The following RBM19 variants were observed in gnomAD, a reference collection of about 807,000 sequenced individuals.
RBM19 encodes RNA binding motif protein 19.
RBM19 carries 94 observed loss-of-function variants against 116.8 expected under a neutral mutation model. The ratio of observed to expected loss-of-function variants is 0.80; its 90% CI spans 0.68 to 0.95. The LOEUF is 0.95. RBM19 is among the 40% of genes least tolerant of loss of function. The pLI, the probability that RBM19 is intolerant of heterozygous loss-of-function variation, is 0.00. For synonymous variants in RBM19, 475 were observed against 494.1 expected, an observed-to-expected ratio of 0.96 and a Z score of 0.51; for missense variants, 1,161 against 1,220.7, an observed-to-expected ratio of 0.95 and a Z score of 0.73.
rs1244196665 is a variant in RBM19 at position 113,959,874 on chromosome 12, T to C, written c.369A>G (p.Gln123=). ...KDEKKKKVAG[Q]LEKLKEDTEF... The stretch of plus-strand genomic sequence containing the variant: ...AACAGGACAGACTCACCTTCTCCAG[T>C]TGACCTGCCACCTTTTTCTTCTTCT... Residue 123 remains glutamine, a synonymous_variant, in exon 4 of 24, where the codon CAA becomes CAG. Coordinates refer to ENST00000261741, the MANE Select transcript of RBM19 (RefSeq NM_016196.4). The C allele has an allele frequency of 4.3e-6, 7 of 1,614,170 alleles. No individual in the cohort carries two copies. Among genetic ancestry groups the C allele is most frequent in the Non-Finnish European group, 5.9e-6 (7 of 1,180,018 alleles).
intron 23 of RBM19, among the ~76,000 whole-genome samples, chr12:113,834,633 A>G (rs1008253475): frequency 6.6e-6 from 1 of 152,222 alleles, no homozygotes; most frequent in Admixed American, 6.5e-5. Context: ...TTTATTTATA[A>G]AAACAGATTG....
intron 8 of RBM19, 57 bp from the exon 9 acceptor site, chr12:113,950,211 G>C: frequency 7.3e-7 from 1 of 1,376,470 alleles, no homozygotes; most frequent in Non-Finnish European, 1.0e-6. Context: ...ACTTGTGGTG[G>C]TCCCCAGAGG....
chr12:113,827,330 GC>G (rs1462555262), intron 23 of RBM19, among the ~76,000 whole-genome samples: 2 of 149,776 alleles, frequency 1.3e-5, no homozygotes, highest in African/African-American at 2.5e-5. Context: ...CCCCAGTCCT[GC>G]CCCCCTCCCC....
chr12:113,888,168 G>A (rs1880674747), intron 21 of RBM19, among the ~76,000 whole-genome samples: 1 of 152,168 alleles, frequency 6.6e-6, no homozygotes, highest in South Asian at 2.1e-4. Context: ...GCTCTATTAA[G>A]AATCTGAGTC....
intron 23 of RBM19, 41 bp downstream of exon 23, chr12:113,844,627 G>A: frequency 1.3e-6 from 2 of 1,578,558 alleles, no homozygotes; most frequent in Non-Finnish European, 8.6e-7. Context: ...GTGTTCCCCA[G>A]GGGGCCCATG....
At chr12:113,846,233 CAAG>C (rs1214883531) in intron 22 of RBM19, among the ~76,000 whole-genome samples, 1 of 152,092 alleles carries the variant, frequency 6.6e-6, no homozygotes, top group Non-Finnish European at 1.5e-5. Flanking sequence ...CCAGTGGGTA[CAAG>C]AAGAGGAGGG....
chr12:113,948,936 C>A lies in RBM19; in HGVS notation c.1173G>T (p.Glu391Asp), dbSNP rs746941474. ...CGGCCAGGTCCTCCTCCTCTTCGTT[C>A]TCCCCGAGTATCCGGCCTTGCCAGG... ...TKSWQGRILG[E>D]NEEEEDLAES... is the part of the protein sequence containing the mutation. Residue 391 changes from glutamate (E) to aspartate (D), a missense_variant, in exon 10 of 24, where the codon GAG becomes GAT. Physicochemically the swap from Glu to Asp is conservative, Grantham distance 45. Transcript: ENST00000261741. The A allele has an allele frequency of 2.8e-5, 45 of 1,614,250 alleles. 1 individual carries two copies. In the South Asian group the frequency reaches 4.7e-4, roughly 17 times the overall value.
At chr12:113,912,945 A>G (rs1237433913) in intron 21 of RBM19, among the ~76,000 whole-genome samples, 1 of 152,192 alleles carries the variant, frequency 6.6e-6, no homozygotes, top group Non-Finnish European at 1.5e-5. Context: ...GAACAACAAT[A>G]GCAGGTACGG....
chr12:113,867,453 G>A (rs1433287958), intron 21 of RBM19, among the ~76,000 whole-genome samples: 1 of 152,178 alleles, frequency 6.6e-6, no homozygotes, highest in Non-Finnish European at 1.5e-5. Context: ...CCGGCCTCCA[G>A]GGGGCGTGGA....
chr12:113,920,820 A>G, intron 18 of RBM19, 130 bp from the exon 19 acceptor site: 2 of 798,674 alleles, frequency 2.5e-6, no homozygotes, highest in Non-Finnish European at 2.1e-6. Flanking sequence ...ATTCCCCCCA[A>G]AAATCTCAGC....
chr12:113,908,316 G>GGA (rs1882201400), intron 21 of RBM19, among the ~76,000 whole-genome samples: 1 of 152,058 alleles, frequency 6.6e-6, no homozygotes. Flanking sequence ...CCTGTGTGGG[G>GGA]GAGACAAGGG....
chr12:113,837,246 T>TACAGACAC (rs1555229675), intron 23 of RBM19, among the ~76,000 whole-genome samples: 1 of 126,806 alleles, frequency 7.9e-6, no homozygotes, highest in Non-Finnish European at 1.6e-5. Flanking sequence ...ATCCTCCTAA[T>TACAGACAC]ACACACACAC....
In RBM19 at chr12:113,880,837, A is replaced by C. The variant is rs577182473; in HGVS notation, c.2559-21941T>G. Among the ~76,000 whole-genome samples the C allele has an allele frequency of 2.0e-5, 3 of 152,236 alleles. No individual in the cohort carries two copies. The East Asian group carries it at 5.8e-4, about 29-fold the overall frequency. On this transcript the variant is annotated intron_variant, in intron 21 of 23. Coordinates refer to ENST00000261741, the MANE Select transcript of RBM19 (RefSeq NM_016196.4). ...GGGGCCTTACTGGTCTTGGCCAAAA[A>C]CACATCCCCCATGACCCTCTCATGT...
At chr12:113,961,151 T>C (rs1382036976) in intron 2 of RBM19, among the ~76,000 whole-genome samples, 1 of 152,108 alleles carries the variant, frequency 6.6e-6, no homozygotes, top group Non-Finnish European at 1.5e-5. Context: ...GCCTTCTGAA[T>C]ACCTAGGACT....
At chr12:113,899,025 T>G (rs1881516053) in intron 21 of RBM19, among the ~76,000 whole-genome samples, 1 of 152,236 alleles carries the variant, frequency 6.6e-6, no homozygotes, top group Non-Finnish European at 1.5e-5. Context: ...AATATTTACA[T>G]TATCACCATG....
intron 16 of RBM19, among the ~76,000 whole-genome samples, chr12:113,933,816 C>T (rs894994808): frequency 2.6e-5 from 4 of 152,226 alleles, no homozygotes; most frequent in African/African-American, 4.8e-5. Context: ...CTCTATTGTC[C>T]TCCACAGCTC....
At chr12:113,859,439 C>G (rs1460801747) in intron 21 of RBM19, among the ~76,000 whole-genome samples, 1 of 152,332 alleles carries the variant, frequency 6.6e-6, no homozygotes, top group South Asian at 2.1e-4. Flanking sequence ...ATTTCTTCAG[C>G]GCTCAAATGA....
intron 21 of RBM19, among the ~76,000 whole-genome samples, chr12:113,909,414 C>T (rs1257097797): frequency 6.6e-6 from 1 of 152,140 alleles, no homozygotes; most frequent in Non-Finnish European, 1.5e-5. Flanking sequence ...CATTTGCTAC[C>T]CTGGTGATGG....
intron 4 of RBM19, 36 bp downstream of exon 4, chr12:113,959,829 A>G (rs117916372): frequency 0.031 from 49,765 of 1,611,254 alleles, 2,295 homozygotes; most frequent in Admixed American, 0.2. Flanking sequence ...CCTGCTGCCC[A>G]CCCTCTCTCC....
Sources: gnomAD v4.1 joint callset for allele counts (sites outside exome capture counted in the v4.1 genomes callset) on GRCh38, gnomAD v4.1.1 for gene constraint, MANE v1.5 for transcripts, NCBI Gene and HGNC (gene_info 2026-07-23, HGNC 2026-07-21) for gene names.